The following THEM4 variants were observed in gnomAD, a reference collection of about 807,000 sequenced individuals.
The protein encoded by THEM4 is acyl-coenzyme A thioesterase THEM4.
Under a neutral mutation model 25.0 loss-of-function variants are expected in THEM4, and 22 were observed. The ratio of observed to expected loss-of-function variants is 0.88; its 90% confidence interval spans 0.63 to 1.26. The LOEUF (loss-of-function observed/expected upper bound fraction) is 1.26. Among genes scored for constraint, THEM4 ranks in the 50% most tolerant of loss-of-function variants. The pLI, the probability that THEM4 is intolerant of heterozygous loss-of-function variation, is 0.00. For synonymous variants in THEM4, 113 were observed against 105.6 expected (o/e 1.07, Z -0.43); for missense variants, 286 against 300.3 (o/e 0.95, Z 0.35).
At chr1:151,885,365 C>T (rs1355229784) in intron 4 of THEM4, among the ~76,000 whole-genome samples, 5 of 152,106 alleles carry the variant, frequency 3.3e-5, no homozygotes, top group Non-Finnish European at 7.4e-5. Context: ...GTGATCCACC[C>T]GCCTTGGCCT....
chr1:151,888,198 A>G, intron 4 of THEM4, 75 bp downstream of exon 4: 1 of 1,135,066 alleles, frequency 8.8e-7, no homozygotes, highest in South Asian at 1.4e-5. Context: ...AACACAAATT[A>G]TGGTGTCAAG....
intron 1 of THEM4, among the ~76,000 whole-genome samples, chr1:151,900,164 T>A (rs1331451181): frequency 1.3e-5 from 2 of 152,162 alleles, no homozygotes; most frequent in African/African-American, 4.8e-5. Context: ...GAGCTCTAAA[T>A]CTTGAAACAA....
chr1:151,908,795 A>C (rs1214232013), intron 1 of THEM4, among the ~76,000 whole-genome samples: 2 of 152,102 alleles, frequency 1.3e-5, no homozygotes, highest in African/African-American at 4.8e-5. Context: ...TGTTTTCCTC[A>C]TGGAACCCCA....
intron 3 of THEM4, among the ~76,000 whole-genome samples, chr1:151,888,678 A>G (rs1471158961): frequency 1.3e-5 from 2 of 152,198 alleles, no homozygotes; most frequent in African/African-American, 4.8e-5. Flanking sequence ...TGTTTTTATT[A>G]TTAGTCAAGT....
At position 151,871,599 on chromosome 1, in the gene THEM4, T is replaced by A. The variant is rs759748164; in HGVS notation, c.*3289A>T. On this transcript the variant is annotated 3_prime_UTR_variant, in exon 6 of 6. Transcript: ENST00000368814. Reference sequence around the variant, plus strand: ...GGGAAGCCATTTTTCCCTCACTGGCTATGGGGAACCCTATGTTAACAGTGA... The same window carrying A: ...GGGAAGCCATTTTTCCCTCACTGGCAATGGGGAACCCTATGTTAACAGTGA... 1.4e-4 allele frequency among the ~76,000 whole-genome samples: 22 copies of A among 152,250 alleles called. No homozygotes were observed. Among genetic ancestry groups the A allele is most frequent in the Non-Finnish European group, 2.5e-4 (17 of 68,048 alleles).
In THEM4 at chr1:151,874,695, G is replaced by A. The variant is rs1653634076; in HGVS notation, c.*193C>T. 8 of 656,646 alleles carry A rather than the reference G, an allele frequency of 1.2e-5. No homozygotes were observed. Among genetic ancestry groups the A allele is most frequent in the South Asian group, 1.1e-4 (6 of 55,232 alleles). The allele number at this position is 656,646 out of a possible 1,614,324, so 40.7% of individuals were successfully genotyped here. Reference sequence around the variant, plus strand: ...TGGCCCGAGAGTTGTCGATATGCTCGCAGGAAGTATTTCTGTGTTAAAAAG... The same window carrying A: ...TGGCCCGAGAGTTGTCGATATGCTCACAGGAAGTATTTCTGTGTTAAAAAG... On this transcript the variant is annotated 3_prime_UTR_variant, in exon 6 of 6. Transcript: ENST00000368814.
chr1:151,871,880 T>C lies in THEM4; in HGVS notation c.*3008A>G, dbSNP rs1388112137. On this transcript the variant is annotated 3_prime_UTR_variant, in exon 6 of 6. Coordinates refer to ENST00000368814, the MANE Select transcript of THEM4 (RefSeq NM_053055.5). ...AGTACAGTACCTTCATTGTCTAAAC[T>C]TCCTCCCAACTAGTTAAGTGAAACT... Among the ~76,000 whole-genome samples, 2 of 152,212 alleles carry C rather than the reference T, an allele frequency of 1.3e-5. No homozygotes were observed. Among genetic ancestry groups the C allele is most frequent in the Admixed American group, 1.3e-4 (2 of 15,278 alleles).
intron 4 of THEM4, among the ~76,000 whole-genome samples, chr1:151,881,585 A>G (rs1230935792): frequency 6.6e-6 from 1 of 152,136 alleles, no homozygotes; most frequent in Non-Finnish European, 1.5e-5. Context: ...CTTTGCTGAG[A>G]GCATGATTTT....
chr1:151,897,053 G>A (rs1431676321), intron 1 of THEM4, among the ~76,000 whole-genome samples: 2 of 152,216 alleles, frequency 1.3e-5, no homozygotes, highest in Admixed American at 6.5e-5. Context: ...ATGGAACATT[G>A]CAGGGATCCT....
chr1:151,905,856 C>A (rs1403997949), intron 1 of THEM4, among the ~76,000 whole-genome samples: 1 of 152,248 alleles, frequency 6.6e-6, no homozygotes, highest in Non-Finnish European at 1.5e-5. Context: ...CTGCGGCCGT[C>A]TGGGCACCAT....
At chr1:151,879,363 T>A (rs1385987191) in intron 4 of THEM4, among the ~76,000 whole-genome samples, 1 of 151,978 alleles carries the variant, frequency 6.6e-6, no homozygotes, top group African/African-American at 2.4e-5. Flanking sequence ...ATGTAGGAGT[T>A]ACACTAGCTA....
At chr1:151,884,203 A>T (rs533151765) in intron 4 of THEM4, among the ~76,000 whole-genome samples, 3 of 152,004 alleles carry the variant, frequency 2.0e-5, no homozygotes, top group South Asian at 4.2e-4. Flanking sequence ...GCTTCTGATT[A>T]AAAAAAATAC....
intron 1 of THEM4, among the ~76,000 whole-genome samples, chr1:151,908,262 T>C (rs1322367907): frequency 6.6e-6 from 1 of 152,230 alleles, no homozygotes; most frequent in Non-Finnish European, 1.5e-5. Flanking sequence ...AGGTAAGTCG[T>C]AAGCTGTAGC....
chr1:151,902,412 T>C (rs1040080285), intron 1 of THEM4, among the ~76,000 whole-genome samples: 2 of 151,964 alleles, frequency 1.3e-5, no homozygotes, highest in Non-Finnish European at 2.9e-5. Context: ...AAACCAAACA[T>C]TGTATGTTCT....
chr1:151,906,883 A>G (rs560534380), intron 1 of THEM4, among the ~76,000 whole-genome samples: 10 of 152,270 alleles, frequency 6.6e-5, no homozygotes, highest in African/African-American at 2.4e-4. Context: ...GGGCCCTGTC[A>G]AAACAGACCA....
At chr1:151,877,480 T>C (rs542791277) in intron 4 of THEM4, among the ~76,000 whole-genome samples, 1 of 152,308 alleles carries the variant, frequency 6.6e-6, no homozygotes, top group South Asian at 2.1e-4. Context: ...GAAGTGAAAA[T>C]AGGGCCAACA....
At chr1:151,892,169 A>T (rs1272506442) in intron 2 of THEM4, among the ~76,000 whole-genome samples, 1 of 152,160 alleles carries the variant, frequency 6.6e-6, no homozygotes, top group Non-Finnish European at 1.5e-5. Context: ...GAGAGGGTCA[A>T]ATTTTAGTCA....
intron 4 of THEM4, among the ~76,000 whole-genome samples, chr1:151,880,939 T>C (rs946863385): frequency 6.6e-5 from 10 of 152,092 alleles, no homozygotes; most frequent in South Asian, 2.1e-4. Flanking sequence ...CTAACCCTCT[T>C]TTTTTCCTTG....
chr1:151,878,718 A>G (rs1342423755), intron 4 of THEM4, among the ~76,000 whole-genome samples: 1 of 152,200 alleles, frequency 6.6e-6, no homozygotes, highest in African/African-American at 2.4e-5. Context: ...AAATGTAACT[A>G]ATATTTAGGC....
Sources: allele counts gnomAD v4.1 joint callset (sites outside exome capture counted in the v4.1 genomes callset), GRCh38; gene constraint gnomAD v4.1.1; transcripts MANE v1.5; gene names NCBI Gene and HGNC (gene_info 2026-07-23, HGNC 2026-07-21).